PRUNE2: variants seen among roughly 807,000 people sequenced by gnomAD.
The protein encoded by PRUNE2 is protein prune homolog 2.
A neutral mutation model predicts 252.0 loss-of-function variants in PRUNE2; 164 were observed. The observed-to-expected ratio is 0.65, with a 90% CI of 0.57 to 0.74. The LOEUF (loss-of-function observed/expected upper bound fraction) is 0.74, where lower values mean the gene tolerates loss of function less well. PRUNE2 is among the 30% of genes least tolerant of loss of function. PRUNE2 has a pLI of 0.00. For missense variants in PRUNE2, 3,495 were observed against 3,711.0 expected (o/e 0.94, Z 1.51); for synonymous variants, 1,292 against 1,350.2 (o/e 0.96, Z 0.94).
At position 76,613,643 on chromosome 9, in the gene PRUNE2, T is replaced by G. The variant is rs1828140576; in HGVS notation, c.*927A>C. ...GACTATAAAGGAAATATTTTGTACATGAAAGTAATACTCATATTTAATTTT... is the reference window on the plus strand; with the variant it reads ...GACTATAAAGGAAATATTTTGTACAGGAAAGTAATACTCATATTTAATTTT... On this transcript the variant is annotated 3_prime_UTR_variant, in exon 19 of 19. Coordinates refer to ENST00000376718, the MANE Select transcript of PRUNE2 (RefSeq NM_015225.3). 6.6e-6 allele frequency: 1 copy of G among 152,224 alleles called. No homozygotes were observed. The highest frequency in any genetic ancestry group is 2.1e-4 in the South Asian group (1 of 4,828). The allele number at this position is 152,224 out of a possible 1,614,324, so 9.4% of individuals were successfully genotyped here. A position where few individuals can be genotyped will look rare whatever the true frequency, so the allele number is the denominator to read the frequency against.
chr9:76,697,056 C>T (rs1348263928), intron 9 of PRUNE2, among the ~76,000 whole-genome samples: 1 of 152,166 alleles, frequency 6.6e-6, no homozygotes, highest in Non-Finnish European at 1.5e-5. Flanking sequence ...TTGCTGTGCC[C>T]CTGATATGCG....
chr9:76,647,679 A>G (rs189798400), intron 11 of PRUNE2, among the ~76,000 whole-genome samples: 25 of 152,304 alleles, frequency 1.6e-4, no homozygotes, highest in Admixed American at 1.1e-3. Flanking sequence ...ATACTCAACA[A>G]TAAGGCCAGG....
chr9:76,789,619 G>A (rs2055360394), intron 6 of PRUNE2, among the ~76,000 whole-genome samples: 1 of 152,140 alleles, frequency 6.6e-6, no homozygotes, highest in African/African-American at 2.4e-5. Context: ...AAGGAGCAAG[G>A]TAGGAACTCT....
At chr9:76,741,493 G>C (rs1281487515) in intron 6 of PRUNE2, among the ~76,000 whole-genome samples, 2 of 152,172 alleles carry the variant, frequency 1.3e-5, no homozygotes, top group African/African-American at 2.4e-5. Context: ...AAGCAAATAA[G>C]CTAGGAATCA....
chr9:76,706,199 G>C lies in PRUNE2; in HGVS notation c.6075C>G (p.Thr2025=), dbSNP rs1370809096. Residue 2025 remains threonine, a synonymous_variant, in exon 8 of 19, where the codon ACC becomes ACG. Transcript: ENST00000376718. ...CAGAGCCTGGCTTCATTATCAGTTG[G>C]GTGGGAGAACTGACAGCAGGAAAAT... The part of the protein sequence containing the change: ...TENFPAVSSP[T]QLIMKPGSEW... The C allele has an allele frequency of 1.9e-6, 3 of 1,613,750 alleles. No homozygotes were observed. In the African/African-American group the frequency reaches 4.0e-5, roughly 22 times the overall value.
chr9:76,866,586 C>T (rs2060850973), intron 1 of PRUNE2, among the ~76,000 whole-genome samples: 1 of 152,058 alleles, frequency 6.6e-6, no homozygotes, highest in African/African-American at 2.4e-5. Flanking sequence ...GCCCTTTTTG[C>T]AAAACGCTGG....
At chr9:76,713,229 C>T (rs1348692814) in intron 7 of PRUNE2, among the ~76,000 whole-genome samples, 5 of 152,078 alleles carry the variant, frequency 3.3e-5, no homozygotes, top group South Asian at 2.1e-4. Context: ...GGCACCAAAC[C>T]GGTCCTGGGA....
At chr9:76,615,776 T>TTTTTC (rs1436825803) in intron 18 of PRUNE2, among the ~76,000 whole-genome samples, 1 of 138,612 alleles carries the variant, frequency 7.2e-6, no homozygotes, top group Non-Finnish European at 1.6e-5. Context: ...GTGGTTTTTT[T>TTTTTC]TTTTTTTTTT....
intron 1 of PRUNE2, among the ~76,000 whole-genome samples, chr9:76,894,894 C>T (rs1467297136): frequency 6.6e-6 from 1 of 152,014 alleles, no homozygotes; most frequent in African/African-American, 2.4e-5. Flanking sequence ...GGCGTGATGG[C>T]GCTTGCCTGT....
At chr9:76,814,888 C>T (rs1259025779) in intron 6 of PRUNE2, among the ~76,000 whole-genome samples, 5 of 152,218 alleles carry the variant, frequency 3.3e-5, no homozygotes, top group Non-Finnish European at 7.3e-5. Context: ...TACGAGTCAA[C>T]CGTATTTGGG....
intron 6 of PRUNE2, among the ~76,000 whole-genome samples, chr9:76,797,154 T>C (rs1035699198): frequency 1.3e-5 from 2 of 152,210 alleles, no homozygotes; most frequent in African/African-American, 4.8e-5. Flanking sequence ...ACTTTATATA[T>C]GTATTATTTT....
At chr9:76,743,104 C>T (rs527255653) in intron 6 of PRUNE2, among the ~76,000 whole-genome samples, 1 of 152,172 alleles carries the variant, frequency 6.6e-6, no homozygotes, top group African/African-American at 2.4e-5. Flanking sequence ...CTCCTTCCTG[C>T]TGCCATGTGA....
rs367693465 is a variant in PRUNE2 at position 76,846,520 on chromosome 9, A to G, written c.503T>C (p.Leu168Pro). ...ELITEQLAHR[L>P]RGSILFKWMT... ...TAGGAAGAGCCATCTCTCACCTCTGAGGCGATGAGCCAGTTGCTCGGTGAT... is the reference window on the plus strand; with the variant it reads ...TAGGAAGAGCCATCTCTCACCTCTGGGGCGATGAGCCAGTTGCTCGGTGAT... Residue 168 changes from leucine (L) to proline (P), a missense_variant, in exon 4 of 19, where the codon CTC (leucine) becomes CCC (proline). Leu to Pro is a moderately conservative substitution (Grantham distance 98, BLOSUM62 -3). Transcript: ENST00000376718. The G allele has an allele frequency of 9.9e-6, 16 of 1,613,050 alleles. No homozygotes were observed. Among genetic ancestry groups the G allele is most frequent in the Non-Finnish European group, 1.2e-5 (14 of 1,179,390 alleles).
chr9:76,640,374 A>AAT (rs1842053245), intron 12 of PRUNE2, among the ~76,000 whole-genome samples: 1 of 152,328 alleles, frequency 6.6e-6, no homozygotes, highest in African/African-American at 2.4e-5. Flanking sequence ...ACTAACTAAA[A>AAT]ATATACCCAA....
At chr9:76,713,096 A>G (rs2135062884) in intron 7 of PRUNE2, among the ~76,000 whole-genome samples, 1 of 150,950 alleles carries the variant, frequency 6.6e-6, no homozygotes, top group South Asian at 2.1e-4. Context: ...TTTATTTCCT[A>G]GGCCTTGGGT....
Position 76,706,079 on chromosome 9 carries a change from A to G in PRUNE2, c.6195T>C (p.Ser2065=). ...CATCTATCCACAAGTCAGGCGCGGC[A>G]GAGGCCAGCTGCCCACCCTCTTGAA... ...GNFQEGGQLA[S]AAPDLWIDAK... Residue 2065 remains serine (S), a synonymous_variant, in exon 8 of 19, where the codon TCT becomes TCC. Transcript: ENST00000376718. The G allele has an allele frequency of 6.2e-7, 1 of 1,614,040 alleles. No individual in the cohort carries two copies. The highest frequency in any genetic ancestry group is 1.1e-5 in the South Asian group (1 of 91,086).
chr9:76,837,940 T>C (rs902572596), intron 4 of PRUNE2, among the ~76,000 whole-genome samples: 10 of 151,660 alleles, frequency 6.6e-5, no homozygotes, highest in Non-Finnish European at 1.0e-4. Flanking sequence ...CCCAGCTAAT[T>C]TTTTGTATTT....
chr9:76,781,134 A>ACCATGGTCACCTCTC (rs1312207889), intron 6 of PRUNE2, among the ~76,000 whole-genome samples: 3 of 152,020 alleles, frequency 2.0e-5, no homozygotes, highest in African/African-American at 7.3e-5. Context: ...CCTACTTCAA[A>ACCATGGTCACCTCTC]CCATGGTCAC....
At chr9:76,663,855 G>A (rs925515031) in intron 9 of PRUNE2, among the ~76,000 whole-genome samples, 21 of 152,234 alleles carry the variant, frequency 1.4e-4, no homozygotes, top group Middle Eastern at 3.4e-3. Context: ...TGTTTGTTGT[G>A]GAGAAGATTA....
Sources: allele counts gnomAD v4.1 joint callset (sites outside exome capture counted in the v4.1 genomes callset), GRCh38; gene constraint gnomAD v4.1.1; transcripts MANE v1.5; gene names NCBI Gene and HGNC (gene_info 2026-07-23, HGNC 2026-07-21).